The following SGCD variants were observed in gnomAD, a reference collection of about 807,000 sequenced individuals.
The protein encoded by SGCD is sarcoglycan delta, also known as delta-sarcoglycan.
Under a neutral mutation model 36.6 loss-of-function variants are expected in SGCD, and 18 were observed. The ratio of observed to expected loss-of-function variants is 0.49; its 90% CI spans 0.34 to 0.73. The LOEUF is 0.73. SGCD is among the 30% of genes least tolerant of loss of function. The pLI is 0.01. For synonymous variants in SGCD, 133 were observed against 130.6 expected, an observed-to-expected ratio of 1.02 and a Z score of -0.12; for missense variants, 387 against 346.7, an observed-to-expected ratio of 1.12 and a Z score of -0.92.
At chr5:155,770,927 C>T in the SGCD span, among the ~76,000 whole-genome samples, 23 of 152,292 alleles carry the variant, frequency 1.5e-4, no homozygotes, top group African/African-American at 4.8e-4. Context: ...CAGACGTGAT[C>T]TCTCTTAAGT....
rs139702869 is a variant in SGCD, at chr5:156,552,375, C to A, written c.295-36856C>A. On this transcript the variant is annotated intron_variant, in intron 4 of 8. Coordinates refer to ENST00000337851, the MANE Select transcript of SGCD (RefSeq NM_000337.6). ...GAGAAAGTGAGCAGTTACCAGTTGGCAGTGCCTGACCTAGGTACAACAGTG... is the reference window on the plus strand; with the variant it reads ...GAGAAAGTGAGCAGTTACCAGTTGGAAGTGCCTGACCTAGGTACAACAGTG... Among the ~76,000 whole-genome samples the A allele has an allele frequency of 7.6e-3, 1,162 of 152,320 alleles. 10 individuals are homozygous for A. Among genetic ancestry groups the A allele is most frequent in the Non-Finnish European group, 0.011 (782 of 68,030 alleles).
At chr5:156,672,957 A>G (rs530775223) in intron 7 of SGCD, among the ~76,000 whole-genome samples, 1 of 152,212 alleles carries the variant, frequency 6.6e-6, no homozygotes, top group Non-Finnish European at 1.5e-5. Context: ...TTCCTAACCT[A>G]AGGACATCTT....
chr5:156,742,016 C>T (rs1204712833), intron 7 of SGCD, among the ~76,000 whole-genome samples: 2 of 152,088 alleles, frequency 1.3e-5, no homozygotes, highest in Non-Finnish European at 2.9e-5. Flanking sequence ...GCTGGGACAA[C>T]AGGCACCCAC....
intron 7 of SGCD, among the ~76,000 whole-genome samples, chr5:156,734,304 C>G (rs1053712774): frequency 6.9e-6 from 1 of 144,508 alleles, no homozygotes; most frequent in Non-Finnish European, 1.5e-5. Flanking sequence ...CTCCAGCTGC[C>G]TTTAACTTTT....
upstream of SGCD, among the ~76,000 whole-genome samples, chr5:156,321,826 T>C (rs1211188426): frequency 6.6e-6 from 1 of 152,188 alleles, no homozygotes; most frequent in Admixed American, 6.5e-5. Context: ...CTTGATTACA[T>C]TTCAACTGTT....
chr5:156,455,818 C>A (rs1045971714), intron 3 of SGCD, among the ~76,000 whole-genome samples: 1 of 152,096 alleles, frequency 6.6e-6, no homozygotes, highest in Admixed American at 6.5e-5. Flanking sequence ...ATGAGATGGG[C>A]CCTAATCCAA....
rs2113205805 is a variant in SGCD at position 156,764,278 on chromosome 5, A to C, written c.*4888A>C. 1 of 152,750 alleles carries C rather than the reference A, an allele frequency of 6.5e-6. No homozygotes were observed. The highest frequency in any genetic ancestry group is 2.1e-4 in the South Asian group (1 of 4,826). The allele number at this position is 152,750 out of a possible 1,614,324, so 9.5% of individuals were successfully genotyped here. A position where few individuals can be genotyped will look rare whatever the true frequency, so the allele number is the denominator to read the frequency against. ...CAACATATTTCCATTAAAATAGTCAAAGCCACGGCATTGGGATGTCAGATG... is the reference window on the plus strand; with the variant it reads ...CAACATATTTCCATTAAAATAGTCACAGCCACGGCATTGGGATGTCAGATG... On this transcript the variant is annotated 3_prime_UTR_variant, in exon 9 of 9. Coordinates refer to ENST00000337851, the MANE Select transcript of SGCD (RefSeq NM_000337.6).
At chr5:155,917,611 C>T (rs1442960293) in intron 1 of SGCD, among the ~76,000 whole-genome samples, 1 of 152,006 alleles carries the variant, frequency 6.6e-6, no homozygotes, top group Non-Finnish European at 1.5e-5. Context: ...TACAGCCTAA[C>T]CAACTAGAAA....
At chr5:155,848,011 A>G in the SGCD span, among the ~76,000 whole-genome samples, 1 of 152,212 alleles carries the variant, frequency 6.6e-6, no homozygotes, top group Non-Finnish European at 1.5e-5. Flanking sequence ...ATTCATCTTT[A>G]TATTTCTAGC....
chr5:156,442,231 A>C (rs1055594934), intron 3 of SGCD, among the ~76,000 whole-genome samples: 2 of 152,198 alleles, frequency 1.3e-5, no homozygotes, highest in African/African-American at 4.8e-5. Flanking sequence ...AATGTATGCA[A>C]ATCAGCTGAG....
intron 1 of SGCD, among the ~76,000 whole-genome samples, chr5:155,960,046 C>A (rs2113447572): frequency 6.6e-6 from 1 of 152,168 alleles, no homozygotes; most frequent in African/African-American, 2.4e-5. Context: ...ACTGCAGATT[C>A]AAAAACAGTG....
chr5:155,975,609 C>CCTTTTTTTTTT (rs1758096365), intron 1 of SGCD, among the ~76,000 whole-genome samples: 5 of 28,006 alleles, frequency 1.8e-4, no homozygotes, highest in African/African-American at 2.6e-4. Context: ...TCTTTCTTTC[C>CCTTTTTTTTTT]TTTTTTTTTT....
intron 3 of SGCD, among the ~76,000 whole-genome samples, chr5:156,498,727 A>T (rs1756311216): frequency 6.6e-6 from 1 of 152,212 alleles, no homozygotes; most frequent in Non-Finnish European, 1.5e-5. Flanking sequence ...GTTGCTGTGA[A>T]CATTTATGTA....
At chr5:156,580,309 G>A (rs1182517673) in intron 4 of SGCD, among the ~76,000 whole-genome samples, 2 of 152,182 alleles carry the variant, frequency 1.3e-5, no homozygotes, top group Non-Finnish European at 2.9e-5. Context: ...GCTTCCCTTT[G>A]TGGGTAACCC....
intron 1 of SGCD, among the ~76,000 whole-genome samples, chr5:156,005,053 G>A (rs953588131): frequency 2.0e-5 from 3 of 152,168 alleles, no homozygotes; most frequent in Non-Finnish European, 4.4e-5. Flanking sequence ...AAGTAGGCTA[G>A]GAAGAGACTG....
At chr5:156,684,870 T>C (rs945888531) in intron 7 of SGCD, among the ~76,000 whole-genome samples, 2 of 152,136 alleles carry the variant, frequency 1.3e-5, no homozygotes, top group African/African-American at 2.4e-5. Context: ...TTAGTTTTCT[T>C]TGAAGTAGCA....
the SGCD span, among the ~76,000 whole-genome samples, chr5:155,846,218 G>C: frequency 2.0e-5 from 3 of 152,052 alleles, no homozygotes; most frequent in African/African-American, 7.2e-5. Context: ...TTTCACAAAC[G>C]TAGAAAGCTG....
At chr5:156,629,869 TTTTTTTTTTTA>T (rs1414681228) in intron 6 of SGCD, among the ~76,000 whole-genome samples, 1 of 146,154 alleles carries the variant, frequency 6.8e-6, no homozygotes, top group Non-Finnish European at 1.5e-5. Context: ...TTTTTTTTTT[TTTTTTTTTTTA>T]GATGGAGTTT....
intron 2 of SGCD, among the ~76,000 whole-genome samples, chr5:156,342,896 A>G (rs1385412412): frequency 6.6e-6 from 1 of 152,190 alleles, no homozygotes; most frequent in Non-Finnish European, 1.5e-5. Context: ...ATCATTCCAC[A>G]CACATATTCC....
Sources: gnomAD v4.1 joint callset for allele counts (sites outside exome capture counted in the v4.1 genomes callset) on GRCh38, gnomAD v4.1.1 for gene constraint, MANE v1.5 for transcripts, NCBI Gene and HGNC (gene_info 2026-07-23, HGNC 2026-07-21) for gene names.